Variants in MCM4 observed in about 807,000 individuals in gnomAD.
MCM4 encodes the protein minichromosome maintenance complex component 4.
MCM4 carries 60 observed loss-of-function variants against 88.7 expected under a neutral mutation model. The observed-to-expected ratio is 0.68, with a 90% CI of 0.55 to 0.84. The LOEUF is 0.84. Ranked by LOEUF, MCM4 falls within the 40% of genes least tolerant of loss-of-function variation. The pLI, the probability that MCM4 is intolerant of heterozygous loss-of-function variation, is 0.00. For missense variants in MCM4, 1,149 were observed against 1,105.5 expected, an observed-to-expected ratio of 1.04 and a Z score of -0.56; for synonymous variants, 465 against 410.5, an observed-to-expected ratio of 1.13 and a Z score of -1.61.
Position 47,973,450 on chromosome 8 carries a change from G to A in MCM4, c.2136+386G>A, listed in dbSNP as rs567745985. On this transcript the variant is annotated intron_variant, in intron 14 of 16. Coordinates refer to ENST00000649973, the MANE Select transcript of MCM4 (RefSeq NM_182746.3). ...CTCTGCCTCCCAAAGTGTTAGGATT[G>A]CAGGCGCAAGCCACCATGCTGGGCC... Among the ~76,000 whole-genome samples, 24 of 151,714 alleles carry A rather than the reference G, an allele frequency of 1.6e-4. No individual in the cohort carries two copies. In the South Asian group the frequency reaches 4.8e-3, roughly 30 times the overall value.
At chr8:47,970,453 C>T in intron 11 of MCM4, 58 bp from the exon 12 acceptor site, 1 of 1,524,954 alleles carries the variant, frequency 6.6e-7, no homozygotes, top group Non-Finnish European at 8.8e-7. Context: ...AAAGTTTAAA[C>T]TACATCTCAG....
At chr8:47,968,524 G>A (rs1256728367) in intron 10 of MCM4, among the ~76,000 whole-genome samples, 1 of 152,194 alleles carries the variant, frequency 6.6e-6, no homozygotes, top group East Asian at 1.9e-4. Flanking sequence ...AGTGTTTGGG[G>A]CCAAGGGGCT....
At chr8:47,971,868 CT>C (rs926022626) in intron 13 of MCM4, among the ~76,000 whole-genome samples, 7 of 151,604 alleles carry the variant, frequency 4.6e-5, no homozygotes, top group Admixed American at 6.6e-5. Flanking sequence ...TAATTACTTG[CT>C]TTTTTTTCTT....
Position 47,967,466 on chromosome 8 carries a change from G to T in MCM4, c.1155G>T (p.Gly385=). The T allele has an allele frequency of 1.2e-6, 2 of 1,614,166 alleles. No individual in the cohort carries two copies. The highest frequency in any genetic ancestry group is 1.7e-6 in the Non-Finnish European group (2 of 1,180,024). ...HNDLVDKVQP[G]DRVNVTGIYR... ...ATCTCGTTGACAAGGTCCAGCCTGG[G>T]GACAGAGTGAATGTTACAGGTAAGA... The change falls in exon 10 of 17, where the codon GGG becomes GGT. Residue 385 remains glycine, a synonymous_variant. Coordinates refer to ENST00000649973, the MANE Select transcript of MCM4 (RefSeq NM_182746.3).
rs746681328 is a variant in MCM4, at chr8:47,970,545, A to G, written c.1469A>G (p.Lys490Arg). The change falls in exon 12 of 17, where the codon AAG becomes AGG. Residue 490 changes from lysine to arginine, a missense_variant. Lys to Arg is a conservative substitution (Grantham distance 26). This residue lies in a region of MCM4 where 906 missense variants were observed against 843.0 expected (regional missense o/e 1.07). Coordinates refer to ENST00000649973, the MANE Select transcript of MCM4 (RefSeq NM_182746.3). ...CTTCAGCTCTTTGGCGGGACAAGGA[A>G]GGATTTTAGTCACACTGGAAGGGGC... is the stretch of plus-strand genomic sequence containing the variant. ...ILLQLFGGTR[K>R]DFSHTGRGKF... is the part of the protein sequence containing the mutation. 3.7e-6 allele frequency: 6 copies of G among 1,606,438 alleles called. No homozygotes were observed. The African/African-American group carries it at 5.3e-5, about 14-fold the overall frequency.
chr8:47,972,967 A>C lies in MCM4; in HGVS notation c.2039A>C (p.Glu680Ala). 5 of 1,614,060 alleles carry C rather than the reference A, an allele frequency of 3.1e-6. No individual in the cohort carries two copies. Among genetic ancestry groups the C allele is most frequent in the African/African-American group, 1.3e-5 (1 of 74,982 alleles). Residue 680 changes from glutamate to alanine, a missense_variant, in exon 14 of 17, where the codon GAG becomes GCG. Glu to Ala is a moderately radical substitution (Grantham distance 107). Coordinates refer to ENST00000649973, the MANE Select transcript of MCM4 (RefSeq NM_182746.3). ...CAGAGCGAGGAGCAGGCAGAGGAGG[A>C]GCTCCTGGACATGGCGGTGCTAAAG... ...YYQSEEQAEE[E>A]LLDMAVLKDY...
chr8:47,962,497 A>T, intron 5 of MCM4, 91 bp downstream of exon 5: 1 of 1,318,790 alleles, frequency 7.6e-7, no homozygotes, highest in East Asian at 2.3e-5. Flanking sequence ...CATAATGACT[A>T]GAAGGGCCAC....
chr8:47,974,085 G>T (rs539025485), intron 14 of MCM4: 1 of 152,364 alleles, frequency 6.6e-6, no homozygotes, highest in African/African-American at 2.4e-5. Flanking sequence ...TACATGAGCT[G>T]AAGTGCATGA....
chr8:47,974,774 T>G lies in MCM4; in HGVS notation c.2177T>G (p.Met726Arg). The change falls in exon 15 of 17, where the codon ATG becomes AGG. Residue 726 changes from methionine to arginine, a missense_variant. Met to Arg is a moderately conservative substitution (Grantham distance 91). Around this residue, in one of 3 missense-constraint regions of MCM4, gnomAD observed 238 missense variants for 241.6 expected, o/e 0.99. Transcript: ENST00000649973. The stretch of plus-strand genomic sequence containing the variant: ...AGGAAGATTGGCAGTAGCCGGGGAA[T>G]GGTTTCTGCATACCCTCGACAGCTA... ...DMRKIGSSRG[M>R]VSAYPRQLES... 6.2e-7 allele frequency: 1 copy of G among 1,614,220 alleles called. No individual in the cohort carries two copies.
At position 47,969,894 on chromosome 8, in the gene MCM4, C is replaced by A; in HGVS notation, c.1271C>A (p.Thr424Lys). ...THIDVIHYRKTDAKRLHGLDE... is the reference protein window; with the variant it reads ...THIDVIHYRKKDAKRLHGLDE... Reference sequence around the variant, plus strand: ...ATTGATGTCATTCATTATCGGAAAACGGATGCAAAACGTCTGCATGGCCTT... The same window carrying A: ...ATTGATGTCATTCATTATCGGAAAAAGGATGCAAAACGTCTGCATGGCCTT... The change falls in exon 11 of 17, where the codon ACG becomes AAG. Residue 424 changes from threonine to lysine, a missense_variant. Coordinates refer to ENST00000649973, the MANE Select transcript of MCM4 (RefSeq NM_182746.3). The A allele has an allele frequency of 6.2e-7, 1 of 1,614,180 alleles. No homozygotes were observed. The highest frequency in any genetic ancestry group is 1.1e-5 in the South Asian group (1 of 91,080).
chr8:47,961,079 G>A, intron 1 of MCM4, 52 bp from the exon 2 acceptor site: 1 of 1,481,710 alleles, frequency 6.7e-7, no homozygotes, highest in Non-Finnish European at 9.0e-7. Context: ...CTGCGGAGCA[G>A]GGCAGGGAAG....
chr8:47,968,325 G>A (rs758244660), intron 10 of MCM4, among the ~76,000 whole-genome samples: 16 of 152,224 alleles, frequency 1.1e-4, no homozygotes, highest in Non-Finnish European at 2.1e-4. Flanking sequence ...AAGTCCCGCA[G>A]TTATCACTGG....
chr8:47,969,792 C>T lies in MCM4; in HGVS notation c.1175-6C>T. ...GTAAAAGTGCATCTCCTGGTTGTGC[C>T]CTCAGGCATCTATCGAGCTGTGCCT... On this transcript the variant is annotated splice_polypyrimidine_tract_variant and splice_region_variant and intron_variant, in intron 10 of 16. Transcript: ENST00000649973. 1 of 1,613,482 alleles carries T rather than the reference C, an allele frequency of 6.2e-7. No individual in the cohort carries two copies. Among genetic ancestry groups the T allele is most frequent in the Non-Finnish European group, 8.5e-7 (1 of 1,179,360 alleles).
At chr8:47,965,301 C>T (rs941033932) in intron 8 of MCM4, among the ~76,000 whole-genome samples, 5 of 151,568 alleles carry the variant, frequency 3.3e-5, no homozygotes, top group East Asian at 3.9e-4. Flanking sequence ...TAAGAGACTC[C>T]ATCTCTTTTT....
At chr8:47,974,599 G>A (rs762877502) in intron 14 of MCM4, 135 bp from the exon 15 acceptor site, 56 of 709,026 alleles carry the variant, frequency 7.9e-5, no homozygotes, top group Non-Finnish European at 1.2e-4. Context: ...TCTACCACTT[G>A]ATGAGCTCCG....
Position 47,964,699 on chromosome 8 carries a change from C to T in MCM4, c.819C>T (p.Asn273=), listed in dbSNP as rs202237323. ...FNALKTKNMR[N]LNPEDIDQLI... The stretch of plus-strand genomic sequence containing the variant: ...CATTGAAGACTAAGAATATGAGAAA[C>T]CTGAATCCAGAAGGTAATGTATTTT... Residue 273 remains asparagine, a synonymous_variant, in exon 8 of 17, where the codon AAC becomes AAT. Transcript: ENST00000649973. 6.2e-5 allele frequency: 96 copies of T among 1,554,592 alleles called. No individual in the cohort carries two copies. The highest frequency in any genetic ancestry group is 8.3e-5 in the Non-Finnish European group (96 of 1,155,626).
In MCM4 at chr8:47,970,678, TG is replaced by T; in HGVS notation, c.1605del (p.Lys536ArgfsTer12). ...TCGTCCCCAGGGGCCAGTACACGTC[TG>T]GGAAGGGCTCCAGTGCAGTTGGCCT... Reference protein sequence around the residue: ...NLVPRGQYTSGKGSSAVGLTA... With the variant: ...NLVPRGQYTSXKGSSAVGLTA... On this transcript the variant is annotated frameshift_variant, in exon 12 of 17. Transcript: ENST00000649973. LOFTEE classifies it high-confidence loss of function. 6.2e-7 allele frequency: 1 copy of T among 1,614,168 alleles called. No individual in the cohort carries two copies. The highest frequency in any genetic ancestry group is 8.5e-7 in the Non-Finnish European group (1 of 1,180,040).
intron 10 of MCM4, among the ~76,000 whole-genome samples, 187 bp downstream of exon 10, chr8:47,967,672 G>T (rs150684323): frequency 4.6e-5 from 7 of 152,310 alleles, no homozygotes; most frequent in African/African-American, 1.7e-4. Flanking sequence ...TGGCCCAGCA[G>T]TATGAAATTG....
chr8:47,964,708 A>G lies in MCM4; in HGVS notation c.828A>G (p.Pro276=), dbSNP rs757678224. 6 of 1,550,914 alleles carry G rather than the reference A, an allele frequency of 3.9e-6. No homozygotes were observed. Among genetic ancestry groups the G allele is most frequent in the Admixed American group, 2.2e-5 (1 of 45,938 alleles). ...CTAAGAATATGAGAAACCTGAATCC[A>G]GAAGGTAATGTATTTTTCATAGGAT... ...LKTKNMRNLN[P]EDIDQLITIS... The change falls in exon 8 of 17, where the codon CCA becomes CCG. Residue 276 remains proline, a synonymous_variant. Transcript: ENST00000649973.
Sources: allele counts gnomAD v4.1 joint callset (sites outside exome capture counted in the v4.1 genomes callset), GRCh38; gene constraint gnomAD v4.1.1; regional missense constraint gnomAD v4.1.1; transcripts MANE v1.5; gene names NCBI Gene and HGNC (gene_info 2026-07-23, HGNC 2026-07-21).